The following OVAAL variants were observed in gnomAD, a reference collection of about 807,000 sequenced individuals.
OVAAL encodes ovarian adenocarcinoma amplified long non-coding RNA.
At chr1:180,566,269 G>T (rs1012920820) in exon 3 of OVAAL, 13 of 152,168 alleles carry the variant, frequency 8.5e-5, no homozygotes, top group African/African-American at 3.1e-4. Context: ...CGGCTGCAAC[G>T]TCTCCCCAGT....
chr1:180,561,553 A>G (rs1447883855), intron 1 of OVAAL, among the ~76,000 whole-genome samples: 1 of 152,132 alleles, frequency 6.6e-6, no homozygotes, highest in African/African-American at 2.4e-5. Flanking sequence ...TTGGGTACTC[A>G]GCCTGGCTGA....
chr1:180,560,697 A>G lies in OVAAL; in HGVS notation n.373-1507A>G, dbSNP rs976297608. ...ACCTTTACTGGCTAAGTTAGCAGAG[A>G]GAACATTCAGCCCACTAAATGTTCA... On this transcript the variant is annotated intron_variant and non_coding_transcript_variant, in intron 1 of 2. Transcript: ENST00000673955. 2.0e-5 allele frequency among the ~76,000 whole-genome samples: 3 copies of G among 152,226 alleles called. No individual in the cohort carries two copies. In the East Asian group the frequency reaches 5.8e-4, roughly 29 times the overall value.
chr1:180,564,409 C>T (rs900071211), intron 2 of OVAAL, among the ~76,000 whole-genome samples: 14 of 152,172 alleles, frequency 9.2e-5, no homozygotes, highest in African/African-American at 3.4e-4. Flanking sequence ...TTATTTGCTG[C>T]TGACAACCCT....
intron 2 of OVAAL, among the ~76,000 whole-genome samples, chr1:180,563,486 A>G (rs1653241625): frequency 6.6e-6 from 1 of 152,216 alleles, no homozygotes; most frequent in Non-Finnish European, 1.5e-5. Flanking sequence ...AAAAAGCTTT[A>G]GAGCAGGATT....
intron 1 of OVAAL, among the ~76,000 whole-genome samples, chr1:180,560,790 A>T (rs1336891808): frequency 2.0e-5 from 3 of 152,240 alleles, no homozygotes; most frequent in Non-Finnish European, 4.4e-5. Context: ...GTACTAACCT[A>T]ACAGCTTATA....
exon 3 of OVAAL, chr1:180,565,263 C>G (rs1214719390): frequency 2.6e-5 from 4 of 152,622 alleles, no homozygotes; most frequent in Non-Finnish European, 5.9e-5. Context: ...GGTTTCCTTT[C>G]AGACCCATCA....
In OVAAL at chr1:180,560,375, A is replaced by C. The variant is rs10914039; in HGVS notation, n.373-1829A>C. ...GGCAGTTCCTGGGAGGCACTGTGCCAGCCAGGAGGTAGTTAGAATCTACAG... is the reference window on the plus strand; with the variant it reads ...GGCAGTTCCTGGGAGGCACTGTGCCCGCCAGGAGGTAGTTAGAATCTACAG... On this transcript the variant is annotated intron_variant and non_coding_transcript_variant, in intron 1 of 2. Coordinates refer to ENST00000673955, the Ensembl canonical transcript of OVAAL. Among the ~76,000 whole-genome samples, 929 of 152,306 alleles carry C rather than the reference A, an allele frequency of 6.1e-3. 3 individuals carry two copies. Among genetic ancestry groups the C allele is most frequent in the African/African-American group, 0.021 (863 of 41,564 alleles).
At chr1:180,563,416 C>T (rs972942241) in intron 2 of OVAAL, among the ~76,000 whole-genome samples, 3 of 152,056 alleles carry the variant, frequency 2.0e-5, no homozygotes, top group African/African-American at 7.2e-5. Flanking sequence ...CAACCTCAAT[C>T]GGGGCATAAG....
intron 2 of OVAAL, among the ~76,000 whole-genome samples, chr1:180,565,072 G>A (rs1367253796): frequency 6.6e-6 from 1 of 152,154 alleles, no homozygotes; most frequent in Non-Finnish European, 1.5e-5. Context: ...GTGTTAAAAT[G>A]GCGGCATGGA....
chr1:180,562,478 C>T (rs1212851303), intron 2 of OVAAL: 1 of 152,106 alleles, frequency 6.6e-6, no homozygotes, highest in Non-Finnish European at 1.5e-5. Flanking sequence ...TGAGGGGTCC[C>T]ATGAAAGCAA....
rs1013225066 is a variant in OVAAL, at chr1:180,566,438, A to G, written n.1701A>G. On this transcript the variant is annotated non_coding_transcript_exon_variant, in exon 3 of 3. Coordinates refer to ENST00000673955, the Ensembl canonical transcript of OVAAL. The stretch of plus-strand genomic sequence containing the variant: ...CTTGTACCAAGGCTAAGATATGTAT[A>G]ACACTGAAATGGATGTCTTCTTATA... The G allele has an allele frequency of 2.6e-5, 4 of 152,350 alleles. No homozygotes were observed. The East Asian group carries it at 7.7e-4, about 29-fold the overall frequency. 9.4% of individuals were successfully genotyped at this position (152,350 alleles called of 1,614,324 possible). A position where few individuals can be genotyped will look rare whatever the true frequency, so the allele number is the denominator to read the frequency against.
chr1:180,559,927 ACTGAAACTATAGCCACC>A (rs1653171968), intron 1 of OVAAL, among the ~76,000 whole-genome samples: 1 of 151,260 alleles, frequency 6.6e-6, no homozygotes, highest in South Asian at 2.1e-4. Flanking sequence ...AAAAAGAATG[ACTGAAACTATAGCCACC>A]TCAGGAAAGC....
intron 2 of OVAAL, among the ~76,000 whole-genome samples, chr1:180,563,597 C>A (rs537553778): frequency 9.9e-5 from 15 of 152,092 alleles, no homozygotes; most frequent in Non-Finnish European, 2.2e-4. Flanking sequence ...GGGGTCTTCT[C>A]CCCTGATTCT....
intron 2 of OVAAL, among the ~76,000 whole-genome samples, chr1:180,563,982 A>T (rs561558948): frequency 6.6e-6 from 1 of 151,274 alleles, no homozygotes; most frequent in East Asian, 1.9e-4. Flanking sequence ...GGGTGTGGGG[A>T]CCCTCTTCTG....
At chr1:180,561,537 G>C (rs2102144920) in intron 1 of OVAAL, among the ~76,000 whole-genome samples, 1 of 152,216 alleles carries the variant, frequency 6.6e-6, no homozygotes, top group Admixed American at 6.5e-5. Context: ...GCTTTGCCTG[G>C]AGTGGTTGGG....
intron 2 of OVAAL, among the ~76,000 whole-genome samples, chr1:180,565,031 G>T (rs1012882097): frequency 1.3e-5 from 2 of 152,116 alleles, no homozygotes; most frequent in African/African-American, 4.8e-5. Context: ...ACATTTTATA[G>T]CCCAGAAAAT....
At chr1:180,564,842 C>T (rs1402063875) in intron 2 of OVAAL, among the ~76,000 whole-genome samples, 1 of 152,170 alleles carries the variant, frequency 6.6e-6, no homozygotes, top group Non-Finnish European at 1.5e-5. Flanking sequence ...TTGAGCCCCA[C>T]TCCAGACCAA....
At chr1:180,564,176 A>G (rs9943046) in intron 2 of OVAAL, among the ~76,000 whole-genome samples, 88,544 of 151,928 alleles carry the variant, frequency 0.58, 26,644 homozygotes, top group South Asian at 0.74. Flanking sequence ...TGGTAACCCA[A>G]TCCTTTCCAT....
intron 2 of OVAAL, among the ~76,000 whole-genome samples, chr1:180,564,353 A>G (rs1653258818): frequency 6.6e-6 from 1 of 152,178 alleles, no homozygotes; most frequent in African/African-American, 2.4e-5. Flanking sequence ...ACTAAAAATT[A>G]TCACGGTTTA....
Sources: allele counts gnomAD v4.1 joint callset (sites outside exome capture counted in the v4.1 genomes callset), GRCh38; gene constraint gnomAD v4.1.1; transcripts MANE v1.5; gene names NCBI Gene and HGNC (gene_info 2026-07-23, HGNC 2026-07-21).